SGCD: variants seen among roughly 807,000 people sequenced by gnomAD.
The protein encoded by SGCD is delta-sarcoglycan.
A neutral mutation model predicts 36.6 loss-of-function variants in SGCD; 18 were observed. That is an observed-to-expected ratio of 0.49 (90% CI 0.34 to 0.73). The LOEUF (loss-of-function observed/expected upper bound fraction) is 0.73. Ranked by LOEUF, SGCD falls within the 30% of genes least tolerant of loss-of-function variation. The pLI is 0.01. For synonymous variants in SGCD, 133 were observed against 130.6 expected, an observed-to-expected ratio of 1.02 and a Z score of -0.12; for missense variants, 387 against 346.7, an observed-to-expected ratio of 1.12 and a Z score of -0.92.
chr5:156,526,949 A>G (rs1399560774), intron 4 of SGCD, among the ~76,000 whole-genome samples: 1 of 152,210 alleles, frequency 6.6e-6, no homozygotes, highest in Non-Finnish European at 1.5e-5. Flanking sequence ...GGTCGATCTC[A>G]GTTATAACAA....
chr5:156,419,941 C>G (rs1431863364), intron 3 of SGCD, among the ~76,000 whole-genome samples: 1 of 152,018 alleles, frequency 6.6e-6, no homozygotes, highest in African/African-American at 2.4e-5. Flanking sequence ...TATCTTTGAG[C>G]AGGGTAACTG....
intron 6 of SGCD, among the ~76,000 whole-genome samples, chr5:156,605,113 C>T (rs557701272): frequency 6.6e-6 from 1 of 151,530 alleles, no homozygotes; most frequent in Non-Finnish European, 1.5e-5. Flanking sequence ...GGTTTGTTAC[C>T]TATGTATACA....
chr5:156,413,221 G>A (rs1772862631), intron 3 of SGCD, among the ~76,000 whole-genome samples: 1 of 152,226 alleles, frequency 6.6e-6, no homozygotes, highest in Non-Finnish European at 1.5e-5. Context: ...GTACTGAGAT[G>A]GAGAGCAAAG....
intron 4 of SGCD, among the ~76,000 whole-genome samples, chr5:156,566,028 G>A (rs1396114063): frequency 6.6e-6 from 1 of 152,104 alleles, no homozygotes; most frequent in Non-Finnish European, 1.5e-5. Context: ...GTGTCAAAAA[G>A]TGGCCAAAGG....
At chr5:155,862,157 G>T in the SGCD span, among the ~76,000 whole-genome samples, 3 of 151,792 alleles carry the variant, frequency 2.0e-5, no homozygotes, top group African/African-American at 4.8e-5. Flanking sequence ...GGATGCAAAT[G>T]GTGTTTTCAC....
At chr5:156,745,965 A>G (rs1302523783) in intron 7 of SGCD, among the ~76,000 whole-genome samples, 1 of 152,152 alleles carries the variant, frequency 6.6e-6, no homozygotes, top group East Asian at 1.9e-4. Flanking sequence ...TTTCAAAGAC[A>G]TATCAGGTGA....
At chr5:156,095,088 C>G (rs1581096219) in intron 1 of SGCD, among the ~76,000 whole-genome samples, 1 of 152,272 alleles carries the variant, frequency 6.6e-6, no homozygotes, top group East Asian at 1.9e-4. Context: ...GATTACTGTC[C>G]TTATTGCTTG....
the SGCD span, among the ~76,000 whole-genome samples, chr5:155,738,867 G>A: frequency 6.7e-6 from 1 of 148,746 alleles, no homozygotes; most frequent in African/African-American, 2.5e-5. Flanking sequence ...GAGTGTGTGA[G>A]TGCGTGTGAG....
At chr5:156,080,377 G>A (rs1473462747) in intron 1 of SGCD, among the ~76,000 whole-genome samples, 2 of 152,154 alleles carry the variant, frequency 1.3e-5, no homozygotes, top group African/African-American at 4.8e-5. Context: ...TCCTTTTTAG[G>A]TATACAAATT....
intron 1 of SGCD, among the ~76,000 whole-genome samples, chr5:155,908,073 A>G (rs1756558443): frequency 6.6e-6 from 1 of 152,204 alleles, no homozygotes; most frequent in African/African-American, 2.4e-5. Flanking sequence ...AAAGATTGCA[A>G]GTCACCGAAG....
At chr5:156,000,815 T>TA (rs200807025) in intron 1 of SGCD, among the ~76,000 whole-genome samples, 3,022 of 151,694 alleles carry the variant, frequency 0.02, 83 homozygotes, top group African/African-American at 0.07. Context: ...TATATATATA[T>TA]TTTTGCCCTC....
the SGCD span, among the ~76,000 whole-genome samples, chr5:155,810,397 T>A: frequency 1.3e-5 from 2 of 152,296 alleles, no homozygotes; most frequent in South Asian, 4.1e-4. Flanking sequence ...TGCAAGATAT[T>A]TTGCCCTAGA....
At chr5:156,228,703 G>T (rs899564746) in intron 3 of SGCD, among the ~76,000 whole-genome samples, 2 of 150,648 alleles carry the variant, frequency 1.3e-5, no homozygotes, top group East Asian at 1.9e-4. Flanking sequence ...GTATACCGTG[G>T]TTTTTTGTTT....
chr5:155,751,949 T>A, the SGCD span, among the ~76,000 whole-genome samples: 3 of 152,184 alleles, frequency 2.0e-5, no homozygotes, highest in Non-Finnish European at 4.4e-5. Context: ...ACATGACTTC[T>A]CTGAGACTGT....
the SGCD span, among the ~76,000 whole-genome samples, chr5:155,748,461 T>A: frequency 6.6e-6 from 1 of 152,140 alleles, no homozygotes; most frequent in Non-Finnish European, 1.5e-5. Context: ...CGTATGGTTC[T>A]CAAATTTTAG....
chr5:156,390,089 A>G (rs1404427417), intron 3 of SGCD, among the ~76,000 whole-genome samples: 1 of 152,228 alleles, frequency 6.6e-6, no homozygotes, highest in Non-Finnish European at 1.5e-5. Context: ...TGCCAGTTGT[A>G]TAAAAGTATA....
chr5:156,289,099 T>C (rs1766692036), intron 3 of SGCD, among the ~76,000 whole-genome samples: 1 of 152,072 alleles, frequency 6.6e-6, no homozygotes, highest in Non-Finnish European at 1.5e-5. Context: ...ATTAGTCCTA[T>C]AAAGTTCTCT....
chr5:156,255,460 C>G (rs1280943520), intron 3 of SGCD, among the ~76,000 whole-genome samples: 1 of 152,148 alleles, frequency 6.6e-6, no homozygotes, highest in Non-Finnish European at 1.5e-5. Context: ...TTAACTGGCA[C>G]AATGTGCATA....
At chr5:156,586,246 A>G (rs978883589) in intron 4 of SGCD, among the ~76,000 whole-genome samples, 2 of 152,156 alleles carry the variant, frequency 1.3e-5, no homozygotes, top group African/African-American at 4.8e-5. Flanking sequence ...ATGGCTGTCA[A>G]TTGATATTTG....
Sources: gnomAD v4.1 joint callset for allele counts (sites outside exome capture counted in the v4.1 genomes callset) on GRCh38, gnomAD v4.1.1 for gene constraint, MANE v1.5 for transcripts, NCBI Gene and HGNC (gene_info 2026-07-23, HGNC 2026-07-21) for gene names.